RBFOX1: variants seen among roughly 807,000 people sequenced by gnomAD.
The protein encoded by RBFOX1 is RNA binding fox-1 homolog 1.
RBFOX1 carries 8 observed loss-of-function variants against 57.7 expected under a neutral mutation model. The observed-to-expected ratio is 0.14, with a 90% CI of 0.08 to 0.25. RBFOX1 has a LOEUF of 0.25. Among genes scored for constraint, RBFOX1 ranks in the 10% least tolerant of loss-of-function variants. The pLI is 1.00. For synonymous variants in RBFOX1, 326 were observed against 222.4 expected, an observed-to-expected ratio of 1.47 and a Z score of -4.15; for missense variants, 611 against 548.5, an observed-to-expected ratio of 1.11 and a Z score of -1.14.
chr16:6,335,790 A>AAG (rs2083570678), intron 2 of RBFOX1, among the ~76,000 whole-genome samples: 1 of 146,586 alleles, frequency 6.8e-6, no homozygotes, highest in African/African-American at 2.7e-5. Context: ...AAAAAAAAAA[A>AAG]GAAAAAAAAA....
chr16:7,662,578 A>G lies in RBFOX1; in HGVS notation c.891-2351A>G, dbSNP rs1018316340. ...CTGAGAATAGAATGTTAGTTAAGCCACAGGGTGTAGCTTTTAAGGTGCAAC... is the reference window on the plus strand; with the variant it reads ...CTGAGAATAGAATGTTAGTTAAGCCGCAGGGTGTAGCTTTTAAGGTGCAAC... On this transcript the variant is annotated intron_variant, in intron 12 of 15. Coordinates refer to ENST00000550418, the MANE Select transcript of RBFOX1 (RefSeq NM_018723.4). 3.9e-5 allele frequency among the ~76,000 whole-genome samples: 6 copies of G among 152,312 alleles called. No individual in the cohort carries two copies. The East Asian group carries it at 7.7e-4, about 20-fold the overall frequency.
chr16:6,237,699 C>A (rs559276249), intron 1 of RBFOX1, among the ~76,000 whole-genome samples: 2 of 151,718 alleles, frequency 1.3e-5, no homozygotes, highest in Non-Finnish European at 2.9e-5. Context: ...CACGATCACA[C>A]CACTACACTC....
chr16:5,642,943 A>G (rs543496187), intron 3 of RBFOX1, among the ~76,000 whole-genome samples: 2 of 152,272 alleles, frequency 1.3e-5, no homozygotes, highest in South Asian at 2.1e-4. Flanking sequence ...CCCACCTGGT[A>G]TTCCTTTTGA....
rs200632901 is a variant in RBFOX1, at chr16:6,796,950, GGA to G, written c.-16+142308_-16+142309del. On this transcript the variant is annotated intron_variant, in intron 3 of 15. Coordinates refer to ENST00000550418, the MANE Select transcript of RBFOX1 (RefSeq NM_018723.4). ...TCAAATTGGAAATCATTGAGTACTA[GGA>G]GAGAGAGGAAACAGGGCATTCCTTA... Among the ~76,000 whole-genome samples, 538 of 152,248 alleles carry G rather than the reference GGA, an allele frequency of 3.5e-3. 5 individuals carry two copies. Among genetic ancestry groups the G allele is most frequent in the African/African-American group, 0.012 (514 of 41,536 alleles).
At chr16:6,552,421 T>G (rs1352994938) in intron 2 of RBFOX1, among the ~76,000 whole-genome samples, 2 of 152,178 alleles carry the variant, frequency 1.3e-5, no homozygotes, top group Non-Finnish European at 2.9e-5. Context: ...TAATGTCATC[T>G]GTAAAATGGA....
chr16:5,561,884 A>G (rs2045902266), intron 2 of RBFOX1, among the ~76,000 whole-genome samples: 1 of 152,162 alleles, frequency 6.6e-6, no homozygotes, highest in South Asian at 2.1e-4. Flanking sequence ...GCTTTATTGC[A>G]AATGCATCCC....
At chr16:6,785,999 A>T (rs1021644771) in intron 3 of RBFOX1, among the ~76,000 whole-genome samples, 4 of 152,186 alleles carry the variant, frequency 2.6e-5, no homozygotes, top group Non-Finnish European at 2.9e-5. Context: ...GCTGCTCCTT[A>T]AACACCCCAT....
intron 1 of RBFOX1, among the ~76,000 whole-genome samples, chr16:6,214,480 G>T (rs571329911): frequency 3.5e-5 from 5 of 144,572 alleles, no homozygotes; most frequent in African/African-American, 1.3e-4. Context: ...GAAAAGGAGA[G>T]GGGGAGAGGG....
intron 2 of RBFOX1, among the ~76,000 whole-genome samples, chr16:6,467,733 G>C (rs1184918553): frequency 6.6e-6 from 1 of 152,172 alleles, no homozygotes; most frequent in Non-Finnish European, 1.5e-5. Flanking sequence ...TATGGCTCTG[G>C]AGCCCCTAAG....
At chr16:7,709,200 G>A (rs1195051572) in intron 15 of RBFOX1, 69 bp downstream of exon 15, 1 of 1,435,006 alleles carries the variant, frequency 7.0e-7, no homozygotes, top group East Asian at 2.3e-5. Context: ...TGGGACCTCA[G>A]TACGGGTTGA....
At chr16:6,722,343 G>C (rs1389490273) in intron 3 of RBFOX1, among the ~76,000 whole-genome samples, 1 of 152,108 alleles carries the variant, frequency 6.6e-6, no homozygotes, top group Non-Finnish European at 1.5e-5. Flanking sequence ...TGTTTGTTTT[G>C]GCGGTAGCCT....
intron 14 of RBFOX1, among the ~76,000 whole-genome samples, chr16:7,687,825 G>A (rs888536755): frequency 1.3e-5 from 2 of 151,876 alleles, no homozygotes; most frequent in African/African-American, 4.8e-5. Flanking sequence ...TCCTGAAGAG[G>A]CAAGATACAT....
chr16:5,308,711 C>G (rs1447850623), intron 1 of RBFOX1, among the ~76,000 whole-genome samples: 1 of 151,258 alleles, frequency 6.6e-6, no homozygotes, highest in Non-Finnish European at 1.5e-5. Context: ...TTATAGTTGC[C>G]TTTATTTTTA....
chr16:6,253,618 G>A (rs72776436), intron 1 of RBFOX1, among the ~76,000 whole-genome samples: 1 of 32,788 alleles, frequency 3.0e-5, no homozygotes, highest in African/African-American at 4.9e-5. Context: ...TAGATGGATG[G>A]ATGGATGGAT....
intron 4 of RBFOX1, among the ~76,000 whole-genome samples, chr16:7,238,846 C>G (rs116852985): frequency 6.6e-6 from 1 of 152,110 alleles, no homozygotes; most frequent in Non-Finnish European, 1.5e-5. Context: ...TATGTGTCCA[C>G]GTGTTTTTAT....
intron 1 of RBFOX1, among the ~76,000 whole-genome samples, chr16:6,067,379 C>CAAACAAA (rs71142673): frequency 0.3 from 38,899 of 130,484 alleles, 6,001 homozygotes; most frequent in Non-Finnish European, 0.36. Flanking sequence ...CAAAAACAAA[C>CAAACAAA]CAACCAAACA....
chr16:5,909,485 C>T (rs1402911282), intron 4 of RBFOX1, among the ~76,000 whole-genome samples: 1 of 152,174 alleles, frequency 6.6e-6, no homozygotes, highest in Non-Finnish European at 1.5e-5. Flanking sequence ...AAGGGCCTCC[C>T]GTCAGTCAGT....
chr16:6,840,106 ACTTG>A (rs1486674248), intron 3 of RBFOX1, among the ~76,000 whole-genome samples: 1 of 152,142 alleles, frequency 6.6e-6, no homozygotes, highest in Non-Finnish European at 1.5e-5. Context: ...TACTGAATTG[ACTTG>A]CTTGCTTCTT....
chr16:7,640,398 GT>G, intron 11 of RBFOX1, among the ~76,000 whole-genome samples: 1 of 152,328 alleles, frequency 6.6e-6, no homozygotes, highest in East Asian at 1.9e-4. Context: ...TTTCAGATGG[GT>G]GTCTGGCTGC....
Sources: gnomAD v4.1 joint callset for allele counts (sites outside exome capture counted in the v4.1 genomes callset) on GRCh38, gnomAD v4.1.1 for gene constraint, MANE v1.5 for transcripts, NCBI Gene and HGNC (gene_info 2026-07-23, HGNC 2026-07-21) for gene names.